OPCML: variants seen among roughly 807,000 people sequenced by gnomAD.
OPCML encodes opioid-binding protein/cell adhesion molecule.
Under a neutral mutation model 37.8 loss-of-function variants are expected in OPCML, and 13 were observed. The observed-to-expected ratio is 0.34, with a 90% confidence interval of 0.22 to 0.55. The LOEUF (loss-of-function observed/expected upper bound fraction) is 0.55, where lower values mean the gene tolerates loss of function less well. OPCML is among the 20% of genes least tolerant of loss of function. The probability of loss-of-function intolerance (pLI) is 0.91; values close to 1 mark genes in which losing one functional copy is unlikely to be tolerated. For missense variants in OPCML, 341 were observed against 435.6 expected, an observed-to-expected ratio of 0.78 and a Z score of 1.93; for synonymous variants, 176 against 168.8, an observed-to-expected ratio of 1.04 and a Z score of -0.33.
chr11:133,502,796 T>C (rs1947944597), intron 1 of OPCML, among the ~76,000 whole-genome samples: 1 of 152,180 alleles, frequency 6.6e-6, no homozygotes, highest in African/African-American at 2.4e-5. Flanking sequence ...TGTTTAAATG[T>C]GTGGCCAGAA....
At chr11:132,843,330 C>A (rs1193809515) in intron 2 of OPCML, among the ~76,000 whole-genome samples, 1 of 151,920 alleles carries the variant, frequency 6.6e-6, no homozygotes, top group Non-Finnish European at 1.5e-5. Flanking sequence ...AACTCCTGAC[C>A]TCAGGTGATC....
chr11:133,071,946 G>T (rs552434223), intron 1 of OPCML, among the ~76,000 whole-genome samples: 1 of 152,284 alleles, frequency 6.6e-6, no homozygotes, highest in East Asian at 1.9e-4. Context: ...TAAAATGCTT[G>T]CCCAGAGTCA....
At chr11:133,355,485 A>G (rs1046431564) in intron 1 of OPCML, among the ~76,000 whole-genome samples, 4 of 152,198 alleles carry the variant, frequency 2.6e-5, no homozygotes, top group Non-Finnish European at 4.4e-5. Flanking sequence ...AGAAAAAGAG[A>G]TTTGGAAAAA....
intron 1 of OPCML, among the ~76,000 whole-genome samples, chr11:133,510,071 C>T (rs1247210993): frequency 6.6e-6 from 1 of 152,146 alleles, no homozygotes; most frequent in Non-Finnish European, 1.5e-5. Context: ...CCTAACACTG[C>T]AGGTGTGCGT....
chr11:133,314,846 A>T (rs1943166347), intron 1 of OPCML, among the ~76,000 whole-genome samples: 1 of 152,226 alleles, frequency 6.6e-6, no homozygotes, highest in Non-Finnish European at 1.5e-5. Context: ...GTGGGCTGTA[A>T]TTTTAGCTTC....
chr11:133,447,608 G>A (rs1946498651), intron 1 of OPCML, among the ~76,000 whole-genome samples: 1 of 152,124 alleles, frequency 6.6e-6, no homozygotes. Flanking sequence ...ACTTATAAGT[G>A]AGAACATGCA....
At chr11:133,071,333 G>A (rs942634603) in intron 1 of OPCML, among the ~76,000 whole-genome samples, 4 of 152,260 alleles carry the variant, frequency 2.6e-5, no homozygotes, top group African/African-American at 9.6e-5. Flanking sequence ...GCAACATTTG[G>A]GTGTGTGGTG....
intron 1 of OPCML, among the ~76,000 whole-genome samples, chr11:133,464,803 A>G (rs956143607): frequency 2.0e-5 from 3 of 152,280 alleles, no homozygotes; most frequent in Middle Eastern, 6.8e-3. Flanking sequence ...GTTGTACAAG[A>G]GCGGAGGCTG....
At chr11:133,354,272 T>A (rs1380468680) in intron 1 of OPCML, among the ~76,000 whole-genome samples, 1 of 93,696 alleles carries the variant, frequency 1.1e-5, no homozygotes. Flanking sequence ...GTGGTAGTGG[T>A]GGTGATAGTG....
intron 1 of OPCML, among the ~76,000 whole-genome samples, chr11:133,094,881 T>C (rs747333209): frequency 2.0e-5 from 3 of 152,148 alleles, no homozygotes; most frequent in Non-Finnish European, 4.4e-5. Context: ...AAAATAGTAC[T>C]GGGATATAAT....
chr11:132,706,294 G>A (rs1369830385), intron 2 of OPCML, among the ~76,000 whole-genome samples: 2 of 152,154 alleles, frequency 1.3e-5, no homozygotes, highest in African/African-American at 4.8e-5. Context: ...GATCAATTGT[G>A]TAGACAAGGA....
intron 2 of OPCML, among the ~76,000 whole-genome samples, chr11:132,790,415 T>C (rs541500763): frequency 6.6e-6 from 1 of 152,366 alleles, no homozygotes; most frequent in African/African-American, 2.4e-5. Context: ...AAATTTTAAA[T>C]ACTCTCATTT....
chr11:133,031,544 T>C (rs1427542031), intron 1 of OPCML, among the ~76,000 whole-genome samples: 1 of 149,264 alleles, frequency 6.7e-6, no homozygotes, highest in Non-Finnish European at 1.5e-5. Flanking sequence ...GTTGGATGGA[T>C]GGATGGATGG....
Position 133,173,082 on chromosome 11 carries a change from T to C in OPCML, c.62-230072A>G, listed in dbSNP as rs952627547. Reference sequence around the variant, plus strand: ...CCAAAGTTATTATTAGTGAACTTAATCTTCCACTTTACGTTGGGCTTGCTT... The same window carrying C: ...CCAAAGTTATTATTAGTGAACTTAACCTTCCACTTTACGTTGGGCTTGCTT... On this transcript the variant is annotated intron_variant, in intron 1 of 7. Transcript: ENST00000524381. The surrounding 1 kb of genome is among the most constrained non-coding windows in gnomAD (Gnocchi z 7.8). 1.3e-5 allele frequency among the ~76,000 whole-genome samples: 2 copies of C among 152,248 alleles called. No individual in the cohort carries two copies. The highest frequency in any genetic ancestry group is 4.8e-5 in the African/African-American group (2 of 41,466).
At chr11:133,479,898 C>G (rs182949727) in intron 1 of OPCML, among the ~76,000 whole-genome samples, 2 of 152,336 alleles carry the variant, frequency 1.3e-5, no homozygotes, top group Non-Finnish European at 2.9e-5. Flanking sequence ...CTTCGAAGAG[C>G]ACTGATCTCT....
intron 2 of OPCML, among the ~76,000 whole-genome samples, chr11:132,794,142 C>T (rs1938139815): frequency 6.6e-6 from 1 of 152,218 alleles, no homozygotes; most frequent in Non-Finnish European, 1.5e-5. Context: ...CCTCCCAATT[C>T]CCACTTGCCA....
chr11:132,501,712 T>A (rs1299126149), intron 4 of OPCML, among the ~76,000 whole-genome samples: 1 of 152,192 alleles, frequency 6.6e-6, no homozygotes, highest in Admixed American at 6.5e-5. Flanking sequence ...ATTTTCTCCA[T>A]CAACATAGAA....
chr11:133,190,803 T>C (rs992945651), intron 1 of OPCML, among the ~76,000 whole-genome samples: 39 of 152,222 alleles, frequency 2.6e-4, no homozygotes, highest in Non-Finnish European at 5.1e-4. Flanking sequence ...TGTTGTAACA[T>C]GTATTAGTGT....
intron 2 of OPCML, among the ~76,000 whole-genome samples, chr11:132,803,891 G>T (rs564025375): frequency 6.6e-6 from 1 of 152,126 alleles, no homozygotes; most frequent in African/African-American, 2.4e-5. Context: ...ACAATGCTTG[G>T]CATATAGTAA....
Sources: allele counts gnomAD v4.1 joint callset (sites outside exome capture counted in the v4.1 genomes callset), GRCh38; gene constraint gnomAD v4.1.1; non-coding constraint Gnocchi (gnomAD v3.1); transcripts MANE v1.5; gene names NCBI Gene and HGNC (gene_info 2026-07-23, HGNC 2026-07-21).